Variants in RNF180 observed in about 807,000 individuals in gnomAD.
The protein encoded by RNF180 is E3 ubiquitin-protein ligase RNF180.
Under a neutral mutation model 59.2 loss-of-function variants are expected in RNF180, and 38 were observed. That is an observed-to-expected ratio of 0.64 (90% CI 0.50 to 0.84). RNF180 has a LOEUF of 0.84. RNF180 is among the 40% of genes least tolerant of loss of function. The pLI is 0.00. For missense variants in RNF180, 705 were observed against 700.9 expected, an observed-to-expected ratio of 1.01 and a Z score of -0.07; for synonymous variants, 262 against 240.3, an observed-to-expected ratio of 1.09 and a Z score of -0.84.
In RNF180 at chr5:64,217,407, ATTTAC is replaced by A. The variant is rs774828354; in HGVS notation, c.1227+14_1227+18del. The A allele has an allele frequency of 1.0e-5, 14 of 1,394,678 alleles. No homozygotes were observed. The African/African-American group carries it at 2.0e-4, about 20-fold the overall frequency. The allele number at this position is 1,394,678 out of a possible 1,614,324, so 86.4% of individuals were successfully genotyped here. On this transcript the variant is annotated intron_variant, in intron 5 of 7. Coordinates refer to ENST00000389100, the MANE Select transcript of RNF180 (RefSeq NM_001113561.2). ...TTGCTGGATCATATGGTAAGTATAT[ATTTAC>A]TTATATGAGAAATTGTCAAATTGTT...
chr5:64,184,357 A>T (rs1352345570), intron 1 of RNF180, among the ~76,000 whole-genome samples: 1 of 151,934 alleles, frequency 6.6e-6, no homozygotes, highest in Non-Finnish European at 1.5e-5. Context: ...TTTGCCCATT[A>T]TAAAGTACTT....
chr5:64,264,480 G>C (rs774431684), intron 5 of RNF180, among the ~76,000 whole-genome samples: 3 of 152,020 alleles, frequency 2.0e-5, no homozygotes, highest in Non-Finnish European at 4.4e-5. Context: ...AACATGCAGT[G>C]TTTTGTTTTC....
chr5:64,315,953 TA>T (rs1183333307), intron 5 of RNF180, among the ~76,000 whole-genome samples: 1 of 152,130 alleles, frequency 6.6e-6, no homozygotes, highest in African/African-American at 2.4e-5. Flanking sequence ...AATGACTCAG[TA>T]AAGTCTGGCC....
chr5:64,187,489 A>G (rs1258240874), intron 1 of RNF180, among the ~76,000 whole-genome samples: 1 of 152,226 alleles, frequency 6.6e-6, no homozygotes, highest in African/African-American at 2.4e-5. Context: ...GTTCAAACAC[A>G]GAAGTATGTA....
chr5:64,248,986 C>T (rs1401020972), intron 5 of RNF180, among the ~76,000 whole-genome samples: 1 of 152,140 alleles, frequency 6.6e-6, no homozygotes, highest in African/African-American at 2.4e-5. Flanking sequence ...CTATCACTCT[C>T]AGCAGACTAA....
intron 5 of RNF180, 24 bp from the exon 6 acceptor site, chr5:64,325,160 GAA>G (rs1177939680): frequency 1.4e-6 from 2 of 1,464,362 alleles, no homozygotes; most frequent in African/African-American, 1.4e-5. Context: ...ACTAAATTAA[GAA>G]AAAAGTTTTC....
intron 1 of RNF180, among the ~76,000 whole-genome samples, chr5:64,167,991 C>G (rs1468062344): frequency 6.6e-6 from 1 of 152,088 alleles, no homozygotes; most frequent in Non-Finnish European, 1.5e-5. Context: ...AAACATTTTC[C>G]CTCCTTAAAC....
At chr5:64,183,976 A>G (rs1345039597) in intron 1 of RNF180, among the ~76,000 whole-genome samples, 4 of 152,118 alleles carry the variant, frequency 2.6e-5, no homozygotes, top group Non-Finnish European at 5.9e-5. Flanking sequence ...AGGGACTTGA[A>G]AGAGGTGATT....
chr5:64,172,335 G>T (rs565137735), intron 1 of RNF180, among the ~76,000 whole-genome samples: 2 of 152,226 alleles, frequency 1.3e-5, no homozygotes, highest in East Asian at 1.9e-4. Context: ...GGGGGTTGTT[G>T]TACTACCCTT....
intron 5 of RNF180, among the ~76,000 whole-genome samples, chr5:64,267,261 A>G (rs1348729341): frequency 6.6e-6 from 1 of 152,130 alleles, no homozygotes; most frequent in Non-Finnish European, 1.5e-5. Context: ...CTTTAAAACA[A>G]GATTTTAAAT....
intron 1 of RNF180, among the ~76,000 whole-genome samples, chr5:64,168,036 C>G (rs1257510667): frequency 6.6e-6 from 1 of 151,486 alleles, no homozygotes; most frequent in African/African-American, 2.4e-5. Flanking sequence ...AGTGGTCATT[C>G]CAAGTAGTCA....
chr5:64,302,187 T>C (rs1379912903), intron 5 of RNF180, among the ~76,000 whole-genome samples: 1 of 151,510 alleles, frequency 6.6e-6, no homozygotes, highest in Non-Finnish European at 1.5e-5. Flanking sequence ...TATACACTGC[T>C]GGAGCAGGAA....
intron 5 of RNF180, among the ~76,000 whole-genome samples, chr5:64,322,737 G>A (rs1744434765): frequency 6.6e-6 from 1 of 151,934 alleles, no homozygotes; most frequent in African/African-American, 2.4e-5. Flanking sequence ...AAGTAACTCA[G>A]GAATGGAAAA....
intron 5 of RNF180, among the ~76,000 whole-genome samples, chr5:64,276,319 G>GGTGTGTGTGT (rs375203511): frequency 0.03 from 4,125 of 138,080 alleles, 89 homozygotes; most frequent in Middle Eastern, 0.058. Context: ...AAAATACATT[G>GGTGTGTGTGT]GTGTGTGTGT....
intron 7 of RNF180, among the ~76,000 whole-genome samples, chr5:64,351,506 T>C (rs1745809756): frequency 6.6e-6 from 1 of 151,992 alleles, no homozygotes; most frequent in Non-Finnish European, 1.5e-5. Flanking sequence ...ATGCTTCCAG[T>C]TTTTGCCCAT....
chr5:64,331,713 T>C (rs902838368), intron 7 of RNF180, among the ~76,000 whole-genome samples: 1 of 152,070 alleles, frequency 6.6e-6, no homozygotes, highest in African/African-American at 2.4e-5. Context: ...GTGGCAGGAC[T>C]AAAAGAACTG....
intron 5 of RNF180, among the ~76,000 whole-genome samples, chr5:64,258,258 A>G (rs1225604387): frequency 2.0e-5 from 3 of 152,146 alleles, no homozygotes; most frequent in Non-Finnish European, 4.4e-5. Context: ...CTAAAAGACC[A>G]TTTTGTGCCT....
intron 2 of RNF180, among the ~76,000 whole-genome samples, chr5:64,203,638 A>T (rs1751863663): frequency 6.6e-6 from 1 of 152,140 alleles, no homozygotes; most frequent in African/African-American, 2.4e-5. Flanking sequence ...TTGAAAATAC[A>T]TAAAAATTAT....
chr5:64,201,040 A>C, intron 2 of RNF180, 98 bp downstream of exon 2: 1 of 900,006 alleles, frequency 1.1e-6, no homozygotes, highest in Non-Finnish European at 1.6e-6. Flanking sequence ...CTTATTAAGA[A>C]TATTTATAGT....
Sources: allele counts gnomAD v4.1 joint callset (sites outside exome capture counted in the v4.1 genomes callset), GRCh38; gene constraint gnomAD v4.1.1; transcripts MANE v1.5; gene names NCBI Gene and HGNC (gene_info 2026-07-23, HGNC 2026-07-21).